The following GALNS variants were observed in gnomAD, a reference collection of about 807,000 sequenced individuals.
The protein encoded by GALNS is N-acetylgalactosamine-6-sulfatase.
A neutral mutation model predicts 65.9 loss-of-function variants in GALNS; 65 were observed. The ratio of observed to expected loss-of-function variants is 0.99; its 90% CI spans 0.81 to 1.21. GALNS has a LOEUF of 1.21. Ranked by LOEUF, GALNS falls within the 50% of genes most tolerant of loss-of-function variation. The pLI is 0.00. For synonymous variants in GALNS, 346 were observed against 288.9 expected (o/e 1.20, Z -2.00); for missense variants, 776 against 700.7 (o/e 1.11, Z -1.21).
At chr16:88,842,299 C>T (rs748934890) in intron 2 of GALNS, 2 of 524,764 alleles carry the variant, frequency 3.8e-6, no homozygotes, top group Non-Finnish European at 6.9e-6. Flanking sequence ...CGTGCCCTGC[C>T]TTCTCCTCTT....
intron 10 of GALNS, among the ~76,000 whole-genome samples, chr16:88,825,365 GGGCTGGGGT>G (rs1910756119): frequency 7.1e-6 from 1 of 140,822 alleles, no homozygotes; most frequent in African/African-American, 2.8e-5. Flanking sequence ...TGGGCAACCG[GGGCTGGGGT>G]GGCTGGGTGT....
In GALNS at chr16:88,826,823, C is replaced by T; in HGVS notation, c.1018G>A (p.Gly340Ser). ...VTAGQVSHQL[G>S]SIMDLFTTSL... is the part of the protein sequence containing the mutation. ...GTGGTGAAGAGGTCCATGATGCTGC[C>T]CAGCTGGTGGCTCACCTGAAACACA... The change falls in exon 10 of 14, where the codon GGC becomes AGC. Residue 340 changes from glycine (G) to serine (S), a missense_variant. Transcript: ENST00000268695. The T allele has an allele frequency of 1.3e-6, 2 of 1,584,594 alleles. No individual in the cohort carries two copies. Among genetic ancestry groups the T allele is most frequent in the South Asian group, 1.1e-5 (1 of 87,408 alleles).
intron 12 of GALNS, among the ~76,000 whole-genome samples, chr16:88,820,398 G>A (rs1343640941): frequency 6.6e-6 from 1 of 152,224 alleles, no homozygotes; most frequent in African/African-American, 2.4e-5. Flanking sequence ...CAAAGTGCTG[G>A]GATTACAGGC....
chr16:88,854,257 G>A (rs1967651723), intron 1 of GALNS, among the ~76,000 whole-genome samples: 1 of 152,240 alleles, frequency 6.6e-6, no homozygotes, highest in African/African-American at 2.4e-5. Context: ...CCAGCGCCCT[G>A]GCAGAAACAA....
In GALNS at chr16:88,818,079, C is replaced by T. The variant is rs763263800; in HGVS notation, c.1410G>A (p.Ser470=). The T allele has an allele frequency of 2.6e-5, 41 of 1,574,016 alleles. No individual in the cohort carries two copies. Among genetic ancestry groups the T allele is most frequent in the Non-Finnish European group, 3.3e-5 (38 of 1,165,924 alleles). ...EYQEALSRIT[S]VVQQHQEALV... ...AGGCCTCCTGGTGCTGCTGGACGAC[C>T]GAGGTGATCCTGCTGAGGGCCTCCT... The change falls in exon 13 of 14, where the codon TCG becomes TCA. Residue 470 remains serine, a synonymous_variant. Coordinates refer to ENST00000268695, the MANE Select transcript of GALNS (RefSeq NM_000512.5).
chr16:88,815,643 C>T lies in GALNS; in HGVS notation c.1483-1118G>A, dbSNP rs898733853. 4.0e-5 allele frequency: 39 copies of T among 985,486 alleles called. 1 individual carries two copies. The highest frequency in any genetic ancestry group is 1.0e-4 in the African/African-American group (6 of 57,380). 61.0% of individuals were successfully genotyped at this position (985,486 alleles called of 1,614,324 possible). A position where few individuals can be genotyped will look rare whatever the true frequency, so the allele number is the denominator to read the frequency against. ...CAGGCCACTTCTGTGCCACGTCAGA[C>T]GCCGCATGGCCCTGAGGGCACTTTC... On this transcript the variant is annotated intron_variant, in intron 13 of 13. Transcript: ENST00000268695.
chr16:88,823,866 G>A (rs982893636), intron 11 of GALNS, among the ~76,000 whole-genome samples: 28 of 152,086 alleles, frequency 1.8e-4, no homozygotes, highest in Middle Eastern at 6.8e-3. Flanking sequence ...CGGCAATGCC[G>A]GGGACCGATG....
chr16:88,837,529 G>A, intron 5 of GALNS, 93 bp downstream of exon 5: 1 of 1,347,834 alleles, frequency 7.4e-7, no homozygotes, highest in Admixed American at 1.7e-5. Context: ...CTCATGAGTG[G>A]CGACTTGAGC....
intron 9 of GALNS, among the ~76,000 whole-genome samples, chr16:88,828,020 G>T (rs932415909): frequency 6.6e-6 from 1 of 152,242 alleles, no homozygotes; most frequent in Non-Finnish European, 1.5e-5. Context: ...CACTCACTCC[G>T]CGCTGCAGCC....
At chr16:88,820,298 T>G (rs140024017) in intron 12 of GALNS, among the ~76,000 whole-genome samples, 21 of 152,104 alleles carry the variant, frequency 1.4e-4, no homozygotes, top group African/African-American at 5.1e-4. Flanking sequence ...CCAGCTAATT[T>G]TTTGTATTTT....
chr16:88,852,253 G>C lies in GALNS; in HGVS notation c.120+4505C>G, dbSNP rs151239033. 3.7e-3 allele frequency among the ~76,000 whole-genome samples: 563 copies of C among 152,312 alleles called. 2 individuals are homozygous for C. The highest frequency in any genetic ancestry group is 0.013 in the African/African-American group (527 of 41,568). On this transcript the variant is annotated intron_variant, in intron 1 of 13. Transcript: ENST00000268695. ...ACCCAGGCAAACAGGGTCTGGAGTG[G>C]ACCTTCAGCAAACTCCAACAGACCT...
In GALNS at chr16:88,835,327, C is replaced by G; in HGVS notation, c.784G>C (p.Asp262His). 1 of 1,613,766 alleles carries G rather than the reference C, an allele frequency of 6.2e-7. No individual in the cohort carries two copies. Among genetic ancestry groups the G allele is most frequent in the Non-Finnish European group, 8.5e-7 (1 of 1,179,892 alleles). Residue 262 changes from aspartate to histidine, a missense_variant, in exon 8 of 14, where the codon GAT becomes CAT. Transcript: ENST00000268695. ...TCCAGTATCTTCCCAATGCTGTCAT[C>G]AATCTCCCGGACGGCGTCTCCATAC... is the stretch of plus-strand genomic sequence containing the variant. ...GRYGDAVREI[D>H]DSIGKILELL...
At chr16:88,823,865 C>T (rs977437404) in intron 11 of GALNS, among the ~76,000 whole-genome samples, 3 of 152,036 alleles carry the variant, frequency 2.0e-5, no homozygotes, top group Non-Finnish European at 2.9e-5. Flanking sequence ...GCGGCAATGC[C>T]GGGGACCGAT....
chr16:88,854,157 G>T (rs189359932), intron 1 of GALNS, among the ~76,000 whole-genome samples: 42 of 152,326 alleles, frequency 2.8e-4, no homozygotes, highest in African/African-American at 9.1e-4. Context: ...ATGCACACTC[G>T]TCCTCAAGTG....
chr16:88,850,307 G>A (rs1253074229), intron 1 of GALNS, among the ~76,000 whole-genome samples: 1 of 152,174 alleles, frequency 6.6e-6, no homozygotes, highest in Non-Finnish European at 1.5e-5. Context: ...TGCAGGCTGC[G>A]TCCTGAGGCT....
At chr16:88,833,612 T>C (rs561354463) in intron 8 of GALNS, among the ~76,000 whole-genome samples, 27 of 152,040 alleles carry the variant, frequency 1.8e-4, no homozygotes, top group Admixed American at 7.2e-4. Context: ...CCACCACGCC[T>C]GGCTAATTTT....
chr16:88,853,216 A>AATCC (rs1196133602), intron 1 of GALNS, among the ~76,000 whole-genome samples: 2 of 146,788 alleles, frequency 1.4e-5, no homozygotes, highest in East Asian at 4.2e-4. Context: ...ACACCACTGC[A>AATCC]ATCCAGCCTG....
intron 1 of GALNS, among the ~76,000 whole-genome samples, chr16:88,850,757 C>T (rs760307855): frequency 2.0e-5 from 3 of 152,218 alleles, no homozygotes; most frequent in Admixed American, 6.5e-5. Context: ...GGGATGCTGA[C>T]GGGGAAGCTG....
Position 88,835,333 on chromosome 16 carries a change from C to G in GALNS, c.778G>C (p.Glu260Gln). 6.2e-7 allele frequency: 1 copy of G among 1,613,740 alleles called. No individual in the cohort carries two copies. The highest frequency in any genetic ancestry group is 8.5e-7 in the Non-Finnish European group (1 of 1,179,888). ...QRGRYGDAVR[E>Q]IDDSIGKILE... ...ATCTTCCCAATGCTGTCATCAATCT[C>G]CCGGACGGCGTCTCCATACCTGCAG... is the stretch of plus-strand genomic sequence containing the variant. The change falls in exon 8 of 14, where the codon GAG becomes CAG. Residue 260 changes from glutamate (E) to glutamine (Q), a missense_variant. By Grantham distance (29) the Glu-to-Gln change is conservative. Transcript: ENST00000268695.
Sources: gnomAD v4.1 joint callset for allele counts (sites outside exome capture counted in the v4.1 genomes callset) on GRCh38, gnomAD v4.1.1 for gene constraint, MANE v1.5 for transcripts, NCBI Gene and HGNC (gene_info 2026-07-23, HGNC 2026-07-21) for gene names.